SHISA9: variants seen among roughly 807,000 people sequenced by gnomAD.
The protein encoded by SHISA9 is shisa family member 9, also known as protein shisa-9.
A neutral mutation model predicts 38.0 loss-of-function variants in SHISA9; 13 were observed. The observed-to-expected ratio is 0.34, with a 90% CI of 0.22 to 0.54. The LOEUF is 0.54. Among genes scored for constraint, SHISA9 ranks in the 20% least tolerant of loss-of-function variants. The probability of loss-of-function intolerance (pLI) is 0.91; values close to 1 mark genes in which losing one functional copy is unlikely to be tolerated. For missense variants in SHISA9, 538 were observed against 575.8 expected, an observed-to-expected ratio of 0.93 and a Z score of 0.67; for synonymous variants, 275 against 242.0, an observed-to-expected ratio of 1.14 and a Z score of -1.27.
At chr16:13,192,791 C>G (rs1399364062) in intron 2 of SHISA9, among the ~76,000 whole-genome samples, 1 of 152,054 alleles carries the variant, frequency 6.6e-6, no homozygotes, top group Non-Finnish European at 1.5e-5. Context: ...AGGACAATCA[C>G]TTAAACCCCA....
At chr16:12,912,354 C>T (rs554381157) in intron 1 of SHISA9, among the ~76,000 whole-genome samples, 2 of 152,236 alleles carry the variant, frequency 1.3e-5, no homozygotes, top group East Asian at 1.9e-4. Flanking sequence ...AGGGGATCTG[C>T]GGATGGCAGA....
the SHISA9 span, among the ~76,000 whole-genome samples, chr16:13,328,052 T>G: frequency 1.3e-5 from 2 of 152,174 alleles, no homozygotes; most frequent in Non-Finnish European, 1.5e-5. Flanking sequence ...AGAAATCTGT[T>G]TTTGAAATGC....
At chr16:13,546,747 C>A in the SHISA9 span, among the ~76,000 whole-genome samples, 1 of 152,146 alleles carries the variant, frequency 6.6e-6, no homozygotes, top group Non-Finnish European at 1.5e-5. Context: ...GGCACAAAAC[C>A]ATATTCACCC....
chr16:13,292,281 C>T, the SHISA9 span, among the ~76,000 whole-genome samples: 3 of 152,026 alleles, frequency 2.0e-5, no homozygotes, highest in Admixed American at 6.6e-5. Context: ...AACCAGGCCA[C>T]TCCTAACATA....
chr16:13,275,279 A>G, the SHISA9 span, among the ~76,000 whole-genome samples: 2 of 152,136 alleles, frequency 1.3e-5, no homozygotes, highest in Non-Finnish European at 2.9e-5. Context: ...TGCACTGCAT[A>G]GACAATTTTG....
rs368456090 is a variant in SHISA9, at chr16:13,097,747, A to G, written c.692-105647A>G. On this transcript the variant is annotated intron_variant, in intron 2 of 4. Coordinates refer to ENST00000558583, the MANE Select transcript of SHISA9 (RefSeq NM_001145204.3). Reference sequence around the variant, plus strand: ...TAGCTTTGACTTTGGCGGAAGTGTCATTCCTATATAGAGTGCAGCTTAATA... The same window carrying G: ...TAGCTTTGACTTTGGCGGAAGTGTCGTTCCTATATAGAGTGCAGCTTAATA... Among the ~76,000 whole-genome samples, 5 of 152,266 alleles carry G rather than the reference A, an allele frequency of 3.3e-5. 2 individuals are homozygous for G. Among genetic ancestry groups the G allele is most frequent in the African/African-American group, 1.2e-4 (5 of 41,556 alleles).
intron 2 of SHISA9, among the ~76,000 whole-genome samples, chr16:13,120,473 G>C (rs976981348): frequency 6.6e-6 from 1 of 152,186 alleles, no homozygotes; most frequent in African/African-American, 2.4e-5. Flanking sequence ...TCCCATGGTC[G>C]TATGTAGGGC....
chr16:13,157,060 A>G (rs1029925148), intron 2 of SHISA9, among the ~76,000 whole-genome samples: 1 of 151,756 alleles, frequency 6.6e-6, no homozygotes, highest in Admixed American at 6.6e-5. Context: ...TCTGTGTTCC[A>G]CTCTTTCTTG....
chr16:13,110,318 T>C (rs1286696764), intron 2 of SHISA9, among the ~76,000 whole-genome samples: 3 of 152,224 alleles, frequency 2.0e-5, no homozygotes, highest in Non-Finnish European at 4.4e-5. Context: ...AAGACGTCTG[T>C]GGCTGTCTGA....
the SHISA9 span, among the ~76,000 whole-genome samples, chr16:13,295,448 C>G: frequency 6.6e-6 from 1 of 152,184 alleles, no homozygotes; most frequent in African/African-American, 2.4e-5. Context: ...TTGACAGTGT[C>G]TTCATGAAAC....
At chr16:13,257,959 G>T in the SHISA9 span, among the ~76,000 whole-genome samples, 1 of 152,196 alleles carries the variant, frequency 6.6e-6, no homozygotes, top group Admixed American at 6.5e-5. Context: ...AAAACATCAT[G>T]ACCAGACTTC....
chr16:13,549,714 A>G, the SHISA9 span, among the ~76,000 whole-genome samples: 4 of 152,134 alleles, frequency 2.6e-5, no homozygotes, highest in Non-Finnish European at 4.4e-5. Context: ...TAGATCGTGT[A>G]TACAAGGAAG....
chr16:13,173,510 G>T (rs751663917), intron 2 of SHISA9, among the ~76,000 whole-genome samples: 1 of 152,012 alleles, frequency 6.6e-6, no homozygotes, highest in Admixed American at 6.6e-5. Flanking sequence ...GTTTCTGCCC[G>T]CGTGGACCTA....
At chr16:12,957,379 C>T (rs111433004) in intron 2 of SHISA9, among the ~76,000 whole-genome samples, 8 of 152,184 alleles carry the variant, frequency 5.3e-5, no homozygotes, top group South Asian at 2.1e-4. Flanking sequence ...TTGTTTCTCA[C>T]GATTCCGGAG....
At chr16:13,266,643 A>G in the SHISA9 span, among the ~76,000 whole-genome samples, 1 of 152,190 alleles carries the variant, frequency 6.6e-6, no homozygotes, top group African/African-American at 2.4e-5. Flanking sequence ...AAAAAAACAC[A>G]CAACTTTTAA....
chr16:13,435,039 C>G, the SHISA9 span, among the ~76,000 whole-genome samples: 1 of 152,154 alleles, frequency 6.6e-6, no homozygotes, highest in Non-Finnish European at 1.5e-5. Context: ...AAGATTTCAG[C>G]CCTGTAGGTA....
chr16:13,195,013 A>T (rs1220577829), intron 2 of SHISA9, among the ~76,000 whole-genome samples: 2 of 152,250 alleles, frequency 1.3e-5, no homozygotes. Flanking sequence ...CAATATAGAC[A>T]CGGATAGTTG....
the SHISA9 span, among the ~76,000 whole-genome samples, chr16:13,476,771 C>T: frequency 0.13 from 11,705 of 92,088 alleles, 1,029 homozygotes; most frequent in Middle Eastern, 0.19. Context: ...TTTTTTGAGA[C>T]GGAGTCTCGC....
intron 2 of SHISA9, among the ~76,000 whole-genome samples, chr16:13,192,620 C>T (rs868010343): frequency 6.6e-6 from 1 of 152,054 alleles, no homozygotes; most frequent in African/African-American, 2.4e-5. Context: ...AAGTTCTGTT[C>T]TCTGGATAGA....
Sources: gnomAD v4.1 joint callset for allele counts (sites outside exome capture counted in the v4.1 genomes callset) on GRCh38, gnomAD v4.1.1 for gene constraint, MANE v1.5 for transcripts, NCBI Gene and HGNC (gene_info 2026-07-23, HGNC 2026-07-21) for gene names.